MSANTD5: variants seen among roughly 807,000 people sequenced by gnomAD.
The protein encoded by MSANTD5 is uncharacterized protein MSANTD5.
intron 2 of MSANTD5, among the ~76,000 whole-genome samples, chr5:178,695,839 TCA>T (rs1028018515): frequency 1.3e-5 from 2 of 152,198 alleles, no homozygotes; most frequent in African/African-American, 4.8e-5. Context: ...TTAAAATGTT[TCA>T]GAGGCTACTG....
the MSANTD5 span, among the ~76,000 whole-genome samples, chr5:178,705,901 G>A: frequency 6.6e-6 from 1 of 150,776 alleles, no homozygotes; most frequent in African/African-American, 2.4e-5. Flanking sequence ...AGCTTGCAGT[G>A]AGCCGAGATC....
chr5:178,696,885 C>A (rs1765418346), intron 1 of MSANTD5, among the ~76,000 whole-genome samples: 1 of 151,968 alleles, frequency 6.6e-6, no homozygotes, highest in Non-Finnish European at 1.5e-5. Context: ...TGAGAGGAAA[C>A]TGCCTGGGCT....
chr5:178,697,134 G>C (rs948830268), intron 1 of MSANTD5, among the ~76,000 whole-genome samples: 3 of 152,132 alleles, frequency 2.0e-5, no homozygotes, highest in Non-Finnish European at 2.9e-5. Context: ...TAATTCCAAA[G>C]GCTGCCTGTG....
chr5:178,697,229 C>A (rs4607364), intron 1 of MSANTD5, among the ~76,000 whole-genome samples: 3 of 151,556 alleles, frequency 2.0e-5, no homozygotes, highest in Non-Finnish European at 4.4e-5. Context: ...CCGAGGCGGG[C>A]GGATCACGAG....
At chr5:178,699,434 C>CT (rs36114750), upstream of MSANTD5, among the ~76,000 whole-genome samples, 796 of 148,520 alleles carry the variant, frequency 5.4e-3, 10 homozygotes, top group African/African-American at 0.014. Context: ...TTCTTTCCTT[C>CT]TTTTTTTTTT....
At chr5:178,699,053 C>T (rs895371169), upstream of MSANTD5, among the ~76,000 whole-genome samples, 5 of 152,098 alleles carry the variant, frequency 3.3e-5, no homozygotes, top group African/African-American at 1.2e-4. Flanking sequence ...CTGTGCTTCC[C>T]ACTTTGGGCC....
the MSANTD5 span, among the ~76,000 whole-genome samples, chr5:178,705,053 CTT>C: frequency 8.0e-4 from 119 of 148,140 alleles, no homozygotes; most frequent in African/African-American, 2.8e-3. Flanking sequence ...TTCTTCTTTT[CTT>C]TTTTTTTTTT....
upstream of MSANTD5, among the ~76,000 whole-genome samples, chr5:178,700,780 C>T (rs182558297): frequency 2.0e-5 from 3 of 152,156 alleles, no homozygotes; most frequent in East Asian, 5.8e-4. Flanking sequence ...AGGCCAGGGA[C>T]CTTTTTATTT....
chr5:178,701,773 T>G (rs1319483127), upstream of MSANTD5, among the ~76,000 whole-genome samples: 5 of 148,668 alleles, frequency 3.4e-5, no homozygotes. Context: ...GAGATGGAGT[T>G]TTGCTCTTTT....
downstream of MSANTD5, among the ~76,000 whole-genome samples, chr5:178,692,058 A>G (rs1339334408): frequency 1.0e-5 from 1 of 96,666 alleles, no homozygotes; most frequent in African/African-American, 3.8e-5. Context: ...TCTGGTAAAG[A>G]GTTTGGCAGT....
At chr5:178,693,405 G>A (rs1246212087), downstream of MSANTD5, among the ~76,000 whole-genome samples, 1 of 152,034 alleles carries the variant, frequency 6.6e-6, no homozygotes, top group East Asian at 1.9e-4. Flanking sequence ...TTCGCGGTGA[G>A]TGTCACAGCT....
At chr5:178,698,338 C>A (rs147017634), upstream of MSANTD5, among the ~76,000 whole-genome samples, 1 of 152,092 alleles carries the variant, frequency 6.6e-6, no homozygotes, top group African/African-American at 2.4e-5. Flanking sequence ...AAGTAAGTGA[C>A]GGTGGGGACG....
the MSANTD5 span, among the ~76,000 whole-genome samples, chr5:178,707,442 G>C: frequency 6.6e-6 from 1 of 151,200 alleles, no homozygotes; most frequent in East Asian, 1.9e-4. Flanking sequence ...CTTCTGGCGG[G>C]GCGCGGTGGC....
intron 1 of MSANTD5, among the ~76,000 whole-genome samples, chr5:178,696,440 G>C (rs896883633): frequency 1.3e-5 from 2 of 152,040 alleles, no homozygotes; most frequent in African/African-American, 4.8e-5. Flanking sequence ...TAGTCAGGCT[G>C]GTCTCAAACC....
At chr5:178,696,818 G>C (rs1462084165) in intron 1 of MSANTD5, among the ~76,000 whole-genome samples, 2 of 151,954 alleles carry the variant, frequency 1.3e-5, no homozygotes, top group Non-Finnish European at 2.9e-5. Context: ...GAGGGAAGCA[G>C]AGAGAGCTCT....
chr5:178,695,736 G>T (rs1459629439), intron 2 of MSANTD5, 138 bp from the exon 3 acceptor site: 1 of 152,226 alleles, frequency 6.6e-6, no homozygotes, highest in Non-Finnish European at 1.5e-5. Flanking sequence ...AGAAGTGAGA[G>T]ATTCAGCATC....
the MSANTD5 span, among the ~76,000 whole-genome samples, chr5:178,705,811 G>T: frequency 6.6e-6 from 1 of 152,040 alleles, no homozygotes; most frequent in East Asian, 1.9e-4. Flanking sequence ...CAAAAACTTA[G>T]CTGGGCGTGG....
At chr5:178,705,743 G>A in the MSANTD5 span, among the ~76,000 whole-genome samples, 1 of 152,054 alleles carries the variant, frequency 6.6e-6, no homozygotes, top group Non-Finnish European at 1.5e-5. Flanking sequence ...GGATCACGAG[G>A]TCAGGAGATC....
chr5:178,693,295 T>C (rs1195819113), downstream of MSANTD5, among the ~76,000 whole-genome samples: 2 of 151,976 alleles, frequency 1.3e-5, no homozygotes, highest in East Asian at 1.9e-4. Context: ...GCTGGGACAA[T>C]AGTGAGACTC....
Sources: allele counts gnomAD v4.1 joint callset (sites outside exome capture counted in the v4.1 genomes callset), GRCh38; gene constraint gnomAD v4.1.1; transcripts MANE v1.5; gene names NCBI Gene and HGNC (gene_info 2026-07-23, HGNC 2026-07-21).